Variants in CNTN4 observed in about 807,000 individuals in gnomAD.
The protein encoded by CNTN4 is contactin 4.
CNTN4 carries 77 observed loss-of-function variants against 122.5 expected under a neutral mutation model. The observed-to-expected ratio is 0.63, with a 90% confidence interval of 0.52 to 0.76. The LOEUF (loss-of-function observed/expected upper bound fraction) is 0.76, where lower values mean the gene tolerates loss of function less well. Among genes scored for constraint, CNTN4 ranks in the 30% least tolerant of loss-of-function variants. CNTN4 has a pLI of 0.00. For synonymous variants in CNTN4, 512 were observed against 447.0 expected (o/e 1.15, Z -1.83); for missense variants, 1,256 against 1,259.1 (o/e 1.00, Z 0.04).
At chr3:2,114,403 T>C (rs1366828458) in intron 2 of CNTN4, among the ~76,000 whole-genome samples, 1 of 152,088 alleles carries the variant, frequency 6.6e-6, no homozygotes, top group Non-Finnish European at 1.5e-5. Context: ...GAGGCTACAG[T>C]GTGCTGTGAT....
intron 8 of CNTN4, among the ~76,000 whole-genome samples, chr3:2,871,385 T>C (rs1014475547): frequency 6.6e-6 from 1 of 152,238 alleles, no homozygotes; most frequent in African/African-American, 2.4e-5. Context: ...TTCTTCTTTT[T>C]TAAAATAGTG....
At chr3:2,856,624 C>T (rs574857484) in intron 7 of CNTN4, among the ~76,000 whole-genome samples, 1 of 152,200 alleles carries the variant, frequency 6.6e-6, no homozygotes, top group African/African-American at 2.4e-5. Flanking sequence ...GCACAGCCCT[C>T]CCACTGTGTC....
Position 2,365,704 on chromosome 3 carries a change from G to A in CNTN4, c.-89+26471G>A, listed in dbSNP as rs543943048. 1.4e-4 allele frequency among the ~76,000 whole-genome samples: 21 copies of A among 152,242 alleles called. No individual in the cohort carries two copies. In the East Asian group the frequency reaches 3.1e-3, roughly 22 times the overall value. The stretch of plus-strand genomic sequence containing the variant: ...TTGTGTGAATATCTTGCAATTCTCA[G>A]TGTGATTCTTGAGTTTAAATAAAAA... On this transcript the variant is annotated intron_variant, in intron 3 of 24. Coordinates refer to ENST00000418658, the MANE Select transcript of CNTN4 (RefSeq NM_175607.3).
In CNTN4 at chr3:2,819,150, G is replaced by A. The variant is rs1048566866; in HGVS notation, c.359-336G>A. On this transcript the variant is annotated intron_variant, in intron 6 of 24. Coordinates refer to ENST00000418658, the MANE Select transcript of CNTN4 (RefSeq NM_175607.3). ...CATGATGGAAGTCTTCTGTGTCTGT[G>A]CTGGCCAAGGTGATAATCACTAAGT... is the stretch of plus-strand genomic sequence containing the variant. Among the ~76,000 whole-genome samples, 3 of 152,156 alleles carry A rather than the reference G, an allele frequency of 2.0e-5. No homozygotes were observed. The South Asian group carries it at 6.2e-4, about 31-fold the overall frequency.
chr3:2,458,393 C>G lies in CNTN4; in HGVS notation c.-88-113023C>G, dbSNP rs189745322. On this transcript the variant is annotated intron_variant, in intron 3 of 24. Coordinates refer to ENST00000418658, the MANE Select transcript of CNTN4 (RefSeq NM_175607.3). ...TAACAGTCCTATAGGGTAAGTTGAG[C>G]TAAGCTTTTACTTGTATCTTTTTAA... Among the ~76,000 whole-genome samples, 234 of 152,206 alleles carry G rather than the reference C, an allele frequency of 1.5e-3. 1 individual carries two copies. The highest frequency in any genetic ancestry group is 5.5e-3 in the African/African-American group (230 of 41,544).
At chr3:3,048,902 A>G (rs56347391) in intron 23 of CNTN4, among the ~76,000 whole-genome samples, 47,679 of 151,962 alleles carry the variant, frequency 0.31, 7,732 homozygotes, top group Middle Eastern at 0.41. Context: ...TATTTTGTCA[A>G]CACAAATCCT....
At chr3:2,951,603 A>G (rs749210681) in intron 13 of CNTN4, among the ~76,000 whole-genome samples, 2 of 152,196 alleles carry the variant, frequency 1.3e-5, no homozygotes, top group Non-Finnish European at 2.9e-5. Context: ...TAATACATAG[A>G]TATTTACTGT....
chr3:2,773,432 A>G (rs2091186599), intron 6 of CNTN4, among the ~76,000 whole-genome samples: 1 of 152,178 alleles, frequency 6.6e-6, no homozygotes, highest in African/African-American at 2.4e-5. Context: ...TGCTCTGATA[A>G]GTAGTGGGTA....
At chr3:2,670,585 C>T (rs947465720) in intron 4 of CNTN4, among the ~76,000 whole-genome samples, 4 of 152,068 alleles carry the variant, frequency 2.6e-5, no homozygotes, top group Non-Finnish European at 5.9e-5. Flanking sequence ...AGCATTTAGC[C>T]CATGTACATC....
At chr3:2,631,416 A>C (rs2082422691) in intron 4 of CNTN4, among the ~76,000 whole-genome samples, 1 of 152,130 alleles carries the variant, frequency 6.6e-6, no homozygotes, top group Non-Finnish European at 1.5e-5. Flanking sequence ...TGACATTAAA[A>C]ACAACACATA....
chr3:2,654,129 G>C (rs11129229), intron 4 of CNTN4, among the ~76,000 whole-genome samples: 1 of 152,070 alleles, frequency 6.6e-6, no homozygotes, highest in East Asian at 1.9e-4. Flanking sequence ...TTCCCTTCAG[G>C]GGATGAGCTT....
At chr3:2,801,142 T>C (rs2092337304) in intron 6 of CNTN4, among the ~76,000 whole-genome samples, 1 of 151,582 alleles carries the variant, frequency 6.6e-6, no homozygotes, top group Non-Finnish European at 1.5e-5. Flanking sequence ...GCTTTGTTCA[T>C]TGTTGTGTTC....
intron 4 of CNTN4, among the ~76,000 whole-genome samples, chr3:2,592,449 T>A (rs993059975): frequency 1.2e-4 from 19 of 152,184 alleles, no homozygotes; most frequent in Admixed American, 1.2e-3. Context: ...GTAGCTCCCA[T>A]AATTCCCACA....
intron 3 of CNTN4, among the ~76,000 whole-genome samples, chr3:2,350,519 A>C (rs1389399245): frequency 6.6e-6 from 1 of 152,176 alleles, no homozygotes; most frequent in South Asian, 2.1e-4. Context: ...ATTGCTGTAA[A>C]GTGCTCTGTA....
chr3:2,374,473 G>T (rs1485323011), intron 3 of CNTN4, among the ~76,000 whole-genome samples: 1 of 152,120 alleles, frequency 6.6e-6, no homozygotes, highest in South Asian at 2.1e-4. Flanking sequence ...GCTTGAGTAT[G>T]ATCTGTAACT....
intron 2 of CNTN4, among the ~76,000 whole-genome samples, chr3:2,217,539 C>G (rs1175345406): frequency 6.6e-6 from 1 of 152,174 alleles, no homozygotes; most frequent in Non-Finnish European, 1.5e-5. Flanking sequence ...ATCATAATCA[C>G]TTTCAGGAGT....
chr3:2,467,363 G>A (rs932076152), intron 3 of CNTN4, among the ~76,000 whole-genome samples: 1 of 152,052 alleles, frequency 6.6e-6, no homozygotes, highest in African/African-American at 2.4e-5. Flanking sequence ...TTTGCCCTTG[G>A]ACAGTTATTA....
chr3:2,193,966 A>C (rs977527190), intron 2 of CNTN4, among the ~76,000 whole-genome samples: 5 of 152,162 alleles, frequency 3.3e-5, no homozygotes, highest in African/African-American at 1.2e-4. Context: ...ACAATGATAA[A>C]ATTGCTTAAT....
chr3:2,169,415 T>TC (rs2149223925), intron 2 of CNTN4, among the ~76,000 whole-genome samples: 1 of 150,978 alleles, frequency 6.6e-6, no homozygotes, highest in East Asian at 1.9e-4. Flanking sequence ...AAAATAAACT[T>TC]TTTTTTTTTG....
Sources: gnomAD v4.1 joint callset for allele counts (sites outside exome capture counted in the v4.1 genomes callset) on GRCh38, gnomAD v4.1.1 for gene constraint, MANE v1.5 for transcripts, NCBI Gene and HGNC (gene_info 2026-07-23, HGNC 2026-07-21) for gene names.